Variants in MAML3 observed in about 807,000 individuals in gnomAD.
MAML3 encodes mastermind like transcriptional coactivator 3, also known as mastermind-like protein 3.
In MAML3, 27 loss-of-function variants were observed where a neutral mutation model predicts 101.9. The ratio of observed to expected loss-of-function variants is 0.27; its 90% confidence interval spans 0.20 to 0.37. The LOEUF (loss-of-function observed/expected upper bound fraction) is 0.37. Ranked by LOEUF, MAML3 falls within the 10% of genes least tolerant of loss-of-function variation. The pLI is 1.00. For missense variants in MAML3, 1,316 were observed against 1,444.9 expected (o/e 0.91, Z 1.45); for synonymous variants, 501 against 555.9 (o/e 0.90, Z 1.39).
intron 2 of MAML3, among the ~76,000 whole-genome samples, chr4:139,830,437 C>T (rs1201661609): frequency 1.2e-4 from 13 of 112,938 alleles, no homozygotes; most frequent in African/African-American, 4.2e-4. Flanking sequence ...TTTTTTGAGA[C>T]GGAGTCTCGC....
chr4:140,027,032 T>C (rs1483424996), intron 1 of MAML3, among the ~76,000 whole-genome samples: 4 of 151,952 alleles, frequency 2.6e-5, no homozygotes, highest in African/African-American at 4.8e-5. Flanking sequence ...GTAGTTTACC[T>C]TAACACAAGA....
At chr4:139,915,662 C>T (rs1424296017) in intron 1 of MAML3, among the ~76,000 whole-genome samples, 2 of 152,034 alleles carry the variant, frequency 1.3e-5, no homozygotes, top group Non-Finnish European at 2.9e-5. Flanking sequence ...ATCCAGTATC[C>T]CTTGTAAGTC....
At chr4:139,865,500 T>TG (rs375298471) in intron 2 of MAML3, among the ~76,000 whole-genome samples, 41,960 of 150,646 alleles carry the variant, frequency 0.28, 7,132 homozygotes, top group East Asian at 0.7. Flanking sequence ...TTTTTTGTTT[T>TG]TTTTTTTTTT....
Position 139,717,281 on chromosome 4 carries a change from A to G in MAML3, c.*2042T>C, listed in dbSNP as rs906035600. 6.6e-6 allele frequency: 1 copy of G among 152,572 alleles called. No individual in the cohort carries two copies. The highest frequency in any genetic ancestry group is 2.4e-5 in the African/African-American group (1 of 41,420). The allele number at this position is 152,572 out of a possible 1,614,324, so 9.5% of individuals were successfully genotyped here. On this transcript the variant is annotated 3_prime_UTR_variant, in exon 5 of 5. Coordinates refer to ENST00000509479, the MANE Select transcript of MAML3 (RefSeq NM_018717.5). Reference sequence around the variant, plus strand: ...CCCCACCCCTGTCTGTCTCACTTCCATTAGCCACCTCCAGTTTCTCATCAT... The same window carrying G: ...CCCCACCCCTGTCTGTCTCACTTCCGTTAGCCACCTCCAGTTTCTCATCAT...
intron 2 of MAML3, among the ~76,000 whole-genome samples, chr4:139,832,804 A>G (rs1023155636): frequency 1.3e-5 from 2 of 152,202 alleles, no homozygotes; most frequent in African/African-American, 4.8e-5. Context: ...AAACAAATGA[A>G]CTCAATGGTT....
At chr4:140,098,504 G>A (rs980806228) in intron 1 of MAML3, among the ~76,000 whole-genome samples, 12 of 152,204 alleles carry the variant, frequency 7.9e-5, no homozygotes, top group South Asian at 2.1e-4. Context: ...ACCAACCAAA[G>A]GGAGAAGCCA....
intron 2 of MAML3, among the ~76,000 whole-genome samples, chr4:139,860,889 G>T (rs1218476244): frequency 6.6e-6 from 1 of 152,112 alleles, no homozygotes; most frequent in Non-Finnish European, 1.5e-5. Context: ...AGTCTTAACT[G>T]TGGTTCATTT....
At chr4:140,071,341 A>C (rs2110953692) in intron 1 of MAML3, among the ~76,000 whole-genome samples, 1 of 152,282 alleles carries the variant, frequency 6.6e-6, no homozygotes, top group African/African-American at 2.4e-5. Flanking sequence ...TTAGCAAGGA[A>C]ATGGATCTCC....
At chr4:140,108,670 A>C (rs1408173891) in intron 1 of MAML3, among the ~76,000 whole-genome samples, 1 of 151,372 alleles carries the variant, frequency 6.6e-6, no homozygotes, top group Non-Finnish European at 1.5e-5. Context: ...GTGTATGTTC[A>C]ATCCATGTGT....
chr4:139,774,689 T>A (rs1242396592), intron 2 of MAML3, among the ~76,000 whole-genome samples: 3 of 152,210 alleles, frequency 2.0e-5, no homozygotes, highest in Non-Finnish European at 4.4e-5. Flanking sequence ...AGGAAAATCA[T>A]GTTTAAGAAC....
chr4:140,079,625 G>A (rs1237340394), intron 1 of MAML3, among the ~76,000 whole-genome samples: 3 of 152,034 alleles, frequency 2.0e-5, no homozygotes, highest in Non-Finnish European at 4.4e-5. Context: ...TTTCCTCCTT[G>A]CATTGGGAAA....
intron 2 of MAML3, among the ~76,000 whole-genome samples, chr4:139,816,327 G>A (rs1389408148): frequency 6.6e-6 from 1 of 152,176 alleles, no homozygotes; most frequent in Non-Finnish European, 1.5e-5. Context: ...AGTGCCGAGG[G>A]ATAAAATGGG....
At chr4:139,988,435 C>T (rs553180701) in intron 1 of MAML3, among the ~76,000 whole-genome samples, 2 of 152,094 alleles carry the variant, frequency 1.3e-5, no homozygotes, top group East Asian at 3.9e-4. Context: ...GGGGGAAACG[C>T]CTTAGAAGAG....
chr4:140,132,611 C>T (rs551084814), intron 1 of MAML3, among the ~76,000 whole-genome samples: 1 of 152,170 alleles, frequency 6.6e-6, no homozygotes, highest in Admixed American at 6.5e-5. Flanking sequence ...AGTTGGCGAC[C>T]ACTTTAAAAG....
chr4:139,917,603 A>G (rs1056515213), intron 1 of MAML3, among the ~76,000 whole-genome samples: 1 of 152,250 alleles, frequency 6.6e-6, no homozygotes, highest in Non-Finnish European at 1.5e-5. Context: ...GCTCCAGAAC[A>G]TGGAACTAAG....
chr4:139,855,094 C>G (rs1426854660), intron 2 of MAML3, among the ~76,000 whole-genome samples: 1 of 152,222 alleles, frequency 6.6e-6, no homozygotes, highest in African/African-American at 2.4e-5. Context: ...GGCTCCATCT[C>G]TTACCACTAG....
chr4:139,879,069 G>C lies in MAML3; in HGVS notation c.2079+10288C>G, dbSNP rs186613386. Reference sequence around the variant, plus strand: ...GATAGACTACTTTGTCCTATTCAGAGAATCAACAGGACAATAACTGCCATA... The same window carrying C: ...GATAGACTACTTTGTCCTATTCAGACAATCAACAGGACAATAACTGCCATA... On this transcript the variant is annotated intron_variant, in intron 2 of 4. Coordinates refer to ENST00000509479, the MANE Select transcript of MAML3 (RefSeq NM_018717.5). Among the ~76,000 whole-genome samples the C allele has an allele frequency of 7.7e-3, 1,179 of 152,262 alleles. 13 individuals carry two copies. Among genetic ancestry groups the C allele is most frequent in the African/African-American group, 0.027 (1,119 of 41,538 alleles).
intron 1 of MAML3, among the ~76,000 whole-genome samples, chr4:139,994,843 C>T (rs952008301): frequency 6.6e-6 from 1 of 151,524 alleles, no homozygotes; most frequent in Non-Finnish European, 1.5e-5. Context: ...CATACAGGAT[C>T]AAGTCACCTG....
chr4:139,946,923 ACACTCT>A (rs1560845397), intron 1 of MAML3, among the ~76,000 whole-genome samples: 3 of 62,170 alleles, frequency 4.8e-5, no homozygotes, highest in Non-Finnish European at 7.1e-5. Flanking sequence ...ACACACACAC[ACACTCT>A]CTCTCTCTCT....
Sources: gnomAD v4.1 joint callset for allele counts (sites outside exome capture counted in the v4.1 genomes callset) on GRCh38, gnomAD v4.1.1 for gene constraint, MANE v1.5 for transcripts, NCBI Gene and HGNC (gene_info 2026-07-23, HGNC 2026-07-21) for gene names.